DOCK3: variants seen among roughly 807,000 people sequenced by gnomAD.
DOCK3 encodes dedicator of cytokinesis 3.
DOCK3 carries 60 observed loss-of-function variants against 265.6 expected under a neutral mutation model. That is an observed-to-expected ratio of 0.23 (90% CI 0.18 to 0.28). DOCK3 has a LOEUF of 0.28. DOCK3 is among the 10% of genes least tolerant of loss of function. DOCK3 has a pLI of 1.00. For missense variants in DOCK3, 1,981 were observed against 2,594.3 expected, an observed-to-expected ratio of 0.76 and a Z score of 5.14; for synonymous variants, 881 against 938.0, an observed-to-expected ratio of 0.94 and a Z score of 1.11.
intron 5 of DOCK3, among the ~76,000 whole-genome samples, chr3:50,943,040 T>C (rs1036475195): frequency 6.6e-6 from 1 of 152,072 alleles, no homozygotes; most frequent in African/African-American, 2.4e-5. Context: ...AGAAACATGC[T>C]GTATGTTAAG....
rs369826497 is a variant in DOCK3, at chr3:51,256,587, G to GTTTTTTTTTTT, written c.2185-3564_2185-3563insTTTTTTTTTTT. Among the ~76,000 whole-genome samples the GTTTTTTTTTTT allele has an allele frequency of 1.5e-5, 2 of 135,590 alleles. 1 individual carries two copies. Among genetic ancestry groups the GTTTTTTTTTTT allele is most frequent in the African/African-American group, 5.5e-5 (2 of 36,152 alleles). The allele number at this position is 135,590 out of a possible 152,430, so 89.0% of individuals were successfully genotyped here. A position where few individuals can be genotyped will look rare whatever the true frequency, so the allele number is the denominator to read the frequency against. On this transcript the variant is annotated intron_variant, in intron 22 of 52. Coordinates refer to ENST00000266037, the MANE Select transcript of DOCK3 (RefSeq NM_004947.5). ...CACCCAGCGAAGAGCTTGAGTTTTC[G>GTTTTTTTTTTT]TTTTTGTTTTTTTTTTTTTTTTTTA... is the stretch of plus-strand genomic sequence containing the variant.
chr3:50,926,067 A>G (rs2050740952), intron 4 of DOCK3, among the ~76,000 whole-genome samples: 1 of 151,912 alleles, frequency 6.6e-6, no homozygotes, highest in Non-Finnish European at 1.5e-5. Flanking sequence ...TCCTGACCTC[A>G]AGTGCTCCAC....
At chr3:51,130,544 A>G (rs899412847) in intron 9 of DOCK3, among the ~76,000 whole-genome samples, 1 of 152,222 alleles carries the variant, frequency 6.6e-6, no homozygotes, top group Admixed American at 6.5e-5. Context: ...GCTTACGATA[A>G]TGCACTGTCA....
chr3:51,010,853 G>T (rs1449665719), intron 5 of DOCK3, among the ~76,000 whole-genome samples: 1 of 152,070 alleles, frequency 6.6e-6, no homozygotes. Flanking sequence ...TGTCTGTAAA[G>T]GATTTTATTT....
chr3:50,889,433 C>T (rs546544558), intron 3 of DOCK3, among the ~76,000 whole-genome samples: 2 of 149,108 alleles, frequency 1.3e-5, no homozygotes, highest in South Asian at 2.1e-4. Flanking sequence ...GAGATGGGGG[C>T]GAAACATTGA....
intron 5 of DOCK3, among the ~76,000 whole-genome samples, chr3:50,950,549 T>C (rs537354104): frequency 4.4e-4 from 67 of 152,260 alleles, no homozygotes; most frequent in African/African-American, 1.5e-3. Context: ...GCAGTTAATA[T>C]TCCTTTTTGC....
intron 12 of DOCK3, among the ~76,000 whole-genome samples, chr3:51,193,535 A>C (rs1349616172): frequency 6.6e-6 from 1 of 152,128 alleles, no homozygotes; most frequent in East Asian, 1.9e-4. Flanking sequence ...CTGTGTATCC[A>C]TCTGGTCCTG....
At chr3:50,788,167 G>C (rs569849850) in intron 2 of DOCK3, 2 of 744,190 alleles carry the variant, frequency 2.7e-6, no homozygotes, top group Non-Finnish European at 4.2e-6. Flanking sequence ...GTTCCTTGTG[G>C]CACCATGATG....
chr3:50,764,758 G>A (rs150968288), intron 1 of DOCK3, among the ~76,000 whole-genome samples: 3 of 152,126 alleles, frequency 2.0e-5, no homozygotes, highest in African/African-American at 7.2e-5. Flanking sequence ...GACCAGCCTG[G>A]GGAACATGAC....
chr3:50,861,989 C>G (rs1464215233), intron 3 of DOCK3, among the ~76,000 whole-genome samples: 1 of 151,858 alleles, frequency 6.6e-6, no homozygotes, highest in Non-Finnish European at 1.5e-5. Context: ...GTTGCTTTGC[C>G]GTCTCAATTG....
intron 12 of DOCK3, among the ~76,000 whole-genome samples, chr3:51,205,680 G>T (rs1004026489): frequency 6.6e-6 from 1 of 152,150 alleles, no homozygotes; most frequent in African/African-American, 2.4e-5. Flanking sequence ...TCCAGCCTGG[G>T]CGACAGTGAG....
At chr3:51,193,511 T>G (rs2088077191) in intron 12 of DOCK3, among the ~76,000 whole-genome samples, 1 of 152,104 alleles carries the variant, frequency 6.6e-6, no homozygotes, top group African/African-American at 2.4e-5. Flanking sequence ...CTTTTTACGT[T>G]TGGTAGAATT....
intron 10 of DOCK3, among the ~76,000 whole-genome samples, chr3:51,157,192 T>C (rs1171722786): frequency 1.3e-5 from 2 of 152,030 alleles, no homozygotes; most frequent in Admixed American, 6.5e-5. Context: ...ATAAACATAC[T>C]TTATTATTTT....
intron 1 of DOCK3, among the ~76,000 whole-genome samples, chr3:50,721,868 A>G (rs892840196): frequency 2.6e-5 from 4 of 152,062 alleles, no homozygotes; most frequent in Non-Finnish European, 5.9e-5. Flanking sequence ...GATTTCTTTC[A>G]GCAGTGTTTT....
At position 51,312,476 on chromosome 3, in the gene DOCK3, G is replaced by A. The variant is rs1199326046; in HGVS notation, c.3094G>A (p.Val1032Met). 6.2e-7 allele frequency: 1 copy of A among 1,612,944 alleles called. No homozygotes were observed. Among genetic ancestry groups the A allele is most frequent in the South Asian group, 1.1e-5 (1 of 90,894 alleles). Residue 1032 changes from valine to methionine, a missense_variant and splice_region_variant, in exon 30 of 53, where the codon GTG (valine) becomes ATG (methionine). Val to Met is a conservative substitution (Grantham distance 21). This residue lies in a region of DOCK3 where 1,357 missense variants were observed against 1,866.8 expected (regional missense o/e 0.73). Transcript: ENST00000266037. The stretch of plus-strand genomic sequence containing the variant: ...ATTTTCTCTTTCTCTGTCTGTCTAG[G>A]TGTGGAATTCTTACTTTAGCCTGGC... ...NFTETDFDFK[V>M]WNSYFSLAVL... is the part of the protein sequence containing the mutation.
chr3:50,905,786 C>A (rs2049459036), intron 4 of DOCK3, among the ~76,000 whole-genome samples: 1 of 152,086 alleles, frequency 6.6e-6, no homozygotes, highest in African/African-American at 2.4e-5. Flanking sequence ...CTGGCCAGAA[C>A]TTCCAACACT....
intron 12 of DOCK3, among the ~76,000 whole-genome samples, chr3:51,164,711 C>T (rs1011401640): frequency 3.3e-5 from 5 of 151,316 alleles, no homozygotes; most frequent in Admixed American, 6.6e-5. Flanking sequence ...GTGGCATACA[C>T]CTACTATGTA....
chr3:51,302,371 CTCTT>C (rs1324656301), intron 27 of DOCK3, among the ~76,000 whole-genome samples: 12 of 152,148 alleles, frequency 7.9e-5, no homozygotes, highest in Non-Finnish European at 2.9e-5. Flanking sequence ...TGGGTCTTGA[CTCTT>C]TATACAGTTT....
At chr3:51,172,202 G>C (rs1450167789) in intron 12 of DOCK3, among the ~76,000 whole-genome samples, 1 of 145,740 alleles carries the variant, frequency 6.9e-6, no homozygotes, top group Non-Finnish European at 1.5e-5. Context: ...TTGAGACATA[G>C]TCTTGCTCTC....
Sources: allele counts gnomAD v4.1 joint callset (sites outside exome capture counted in the v4.1 genomes callset), GRCh38; gene constraint gnomAD v4.1.1; regional missense constraint gnomAD v4.1.1; transcripts MANE v1.5; gene names NCBI Gene and HGNC (gene_info 2026-07-23, HGNC 2026-07-21).